The following FBXL18 variants were observed in gnomAD, a reference collection of about 807,000 sequenced individuals.
FBXL18 encodes the protein F-box/LRR-repeat protein 18.
In FBXL18, 36 loss-of-function variants were observed where a neutral mutation model predicts 46.0. The observed-to-expected ratio is 0.78, with a 90% CI of 0.60 to 1.03. FBXL18 has a LOEUF of 1.03. Ranked by LOEUF, FBXL18 falls within the 50% of genes least tolerant of loss-of-function variation. The pLI, the probability that FBXL18 is intolerant of heterozygous loss-of-function variation, is 0.00. For missense variants in FBXL18, 977 were observed against 1,004.1 expected (o/e 0.97, Z 0.36); for synonymous variants, 557 against 465.3 (o/e 1.20, Z -2.54).
At chr7:5,473,526 C>T (rs531959834), downstream of FBXL18, among the ~76,000 whole-genome samples, 67 of 152,212 alleles carry the variant, frequency 4.4e-4, no homozygotes, top group African/African-American at 1.5e-3. Flanking sequence ...CTTTGGGAGG[C>T]CAAGGTGGGT....
intron 4 of FBXL18, among the ~76,000 whole-genome samples, chr7:5,486,388 C>A (rs1267800333): frequency 6.6e-6 from 1 of 151,978 alleles, no homozygotes; most frequent in Non-Finnish European, 1.5e-5. Flanking sequence ...CACTGCACTC[C>A]AGCCTGGGAA....
intron 4 of FBXL18, among the ~76,000 whole-genome samples, chr7:5,482,544 G>C (rs1044481900): frequency 1.4e-5 from 2 of 143,254 alleles, no homozygotes; most frequent in African/African-American, 5.3e-5. Flanking sequence ...GCCACGCTGT[G>C]CACGAAAACT....
At chr7:5,505,753 A>C (rs1584242259) in intron 1 of FBXL18, 123 bp from the exon 2 acceptor site, 1 of 726,414 alleles carries the variant, frequency 1.4e-6, no homozygotes, top group South Asian at 1.8e-5. Context: ...TTTTACTAAA[A>C]CTCTCAACTG....
chr7:5,498,156 C>T (rs1784133875), intron 3 of FBXL18, among the ~76,000 whole-genome samples: 2 of 149,376 alleles, frequency 1.3e-5, no homozygotes, highest in Non-Finnish European at 3.0e-5. Context: ...GGCGCGATCT[C>T]GGCTCACTGC....
intron 4 of FBXL18, among the ~76,000 whole-genome samples, chr7:5,463,704 A>ATATATATATATATATATATATTTTT (rs1562672177): frequency 4.5e-5 from 2 of 43,986 alleles, no homozygotes; most frequent in Non-Finnish European, 7.9e-5. Flanking sequence ...CTATATATAT[A>ATATATATATATATATATATATTTTT]TTTATTTATT....
rs760716662 is a variant in FBXL18 at position 5,500,830 on chromosome 7, T to C, written c.1439A>G (p.Lys480Arg). The change falls in exon 3 of 5, where the codon AAG becomes AGG. Residue 480 changes from lysine to arginine, a missense_variant. Lys to Arg is a conservative substitution (Grantham distance 26). Transcript: ENST00000382368. The part of the protein sequence containing the change: ...QPSSVFWSLL[K>R]NLPFLEHLEL... ...GAGGTGTTCCAGGAAGGGCAGGTTCTTCAGCAGAGACCAGAACACGGAGGA... is the reference window on the plus strand; with the variant it reads ...GAGGTGTTCCAGGAAGGGCAGGTTCCTCAGCAGAGACCAGAACACGGAGGA... 6.2e-7 allele frequency: 1 copy of C among 1,612,084 alleles called. No homozygotes were observed. Among genetic ancestry groups the C allele is most frequent in the Non-Finnish European group, 8.5e-7 (1 of 1,179,400 alleles).
chr7:5,482,232 G>A (rs1783666735), intron 4 of FBXL18, among the ~76,000 whole-genome samples: 1 of 152,198 alleles, frequency 6.6e-6, no homozygotes, highest in African/African-American at 2.4e-5. Context: ...ACCCTGCTCT[G>A]CAGACGTGCT....
intron 4 of FBXL18, among the ~76,000 whole-genome samples, chr7:5,462,147 G>A (rs1181109935): frequency 2.0e-5 from 3 of 151,748 alleles, no homozygotes; most frequent in Admixed American, 6.6e-5. Flanking sequence ...AGAATGGCTT[G>A]AACCCAGGAG....
Position 5,501,003 on chromosome 7 carries a change from G to A in FBXL18, c.1266C>T (p.Val422=). 6.3e-7 allele frequency: 1 copy of A among 1,589,396 alleles called. No homozygotes were observed. Among genetic ancestry groups the A allele is most frequent in the Non-Finnish European group, 8.5e-7 (1 of 1,170,760 alleles). The change falls in exon 3 of 5, where the codon GTC becomes GTT. Residue 422 remains valine (V), a synonymous_variant. Transcript: ENST00000382368. ...GCGGCGCGGAGTCAGCGACAGAGCA[G>A]ACAGGCAGGGAGAGGGAGCGCAGGT... ...LRHLRSLSLP[V]CSVADSAPRA...
intron 1 of FBXL18, among the ~76,000 whole-genome samples, chr7:5,512,407 G>A (rs1784564543): frequency 6.6e-6 from 1 of 151,874 alleles, no homozygotes; most frequent in South Asian, 2.1e-4. Flanking sequence ...CTGAGGTCAG[G>A]AGTTCGAGAA....
intron 3 of FBXL18, 51 bp downstream of exon 3, chr7:5,500,437 C>A (rs951726138): frequency 6.6e-7 from 1 of 1,514,666 alleles, no homozygotes; most frequent in Non-Finnish European, 8.9e-7. Flanking sequence ...CGCCCCAGTT[C>A]CCTCCGCCAG....
intron 4 of FBXL18, among the ~76,000 whole-genome samples, chr7:5,468,409 G>A (rs117944794): frequency 0.025 from 3,859 of 152,216 alleles, 86 homozygotes; most frequent in Non-Finnish European, 0.033. Flanking sequence ...GAGCCACCAC[G>A]CCCAGCCACC....
At chr7:5,502,718 C>G (rs1481696368) in intron 2 of FBXL18, among the ~76,000 whole-genome samples, 1 of 151,754 alleles carries the variant, frequency 6.6e-6, no homozygotes, top group Non-Finnish European at 1.5e-5. Flanking sequence ...GTAAGCCAAG[C>G]TACTGGGGAG....
chr7:5,484,460 A>G (rs184750557), intron 4 of FBXL18, among the ~76,000 whole-genome samples: 2,563 of 130,984 alleles, frequency 0.02, 81 homozygotes, highest in African/African-American at 0.07. Flanking sequence ...ACAGAGGGAG[A>G]CTCTGTCTCA....
rs1384353740 is a variant in FBXL18 at position 5,480,189 on chromosome 7, G to A, written c.*1586C>T. Among the ~76,000 whole-genome samples, 4 of 152,144 alleles carry A rather than the reference G, an allele frequency of 2.6e-5. No homozygotes were observed. Among genetic ancestry groups the A allele is most frequent in the Non-Finnish European group, 4.4e-5 (3 of 68,038 alleles). ...AATGTGAGACACCACCCCACAGGAC[G>A]GGGCATCTGTCACACGGAAACCCAG... On this transcript the variant is annotated 3_prime_UTR_variant, in exon 5 of 5. Transcript: ENST00000382368.
rs983034978 is a variant in FBXL18 at position 5,478,569 on chromosome 7, A to T, written c.*3206T>A. ...GGGGTGAGCTGGGAGCACAGGCAGG[A>T]GGGGGCAGCCAGAGAGGTTGGGGCT... is the stretch of plus-strand genomic sequence containing the variant. On this transcript the variant is annotated 3_prime_UTR_variant, in exon 5 of 5. Transcript: ENST00000382368. The T allele has an allele frequency of 6.6e-6, 1 of 152,396 alleles. No homozygotes were observed. The highest frequency in any genetic ancestry group is 2.4e-5 in the African/African-American group (1 of 41,420). The allele number at this position is 152,396 out of a possible 1,614,324, so 9.4% of individuals were successfully genotyped here.
chr7:5,481,680 C>A lies in FBXL18; in HGVS notation c.*95G>T. 2.2e-6 allele frequency: 3 copies of A among 1,358,658 alleles called. No individual in the cohort carries two copies. Among genetic ancestry groups the A allele is most frequent in the Non-Finnish European group, 2.0e-6 (2 of 976,168 alleles). 84.2% of individuals were successfully genotyped at this position (1,358,658 alleles called of 1,614,324 possible). On this transcript the variant is annotated 3_prime_UTR_variant, in exon 5 of 5. Coordinates refer to ENST00000382368, the MANE Select transcript of FBXL18 (RefSeq NM_024963.6). ...GGGGCGTGGCTGGCCGGGAGAGAGG[C>A]CCCCTTCCTCTTGTGACAAACCAAG...
chr7:5,471,223 C>A (rs1001989322), downstream of FBXL18, among the ~76,000 whole-genome samples: 2 of 152,196 alleles, frequency 1.3e-5, no homozygotes, highest in African/African-American at 2.4e-5. Context: ...CAAAGCCTCT[C>A]GAGCTGGCTC....
rs963288576 is a variant in FBXL18 at position 5,502,163 on chromosome 7, C to A, written c.238-132G>T. The A allele has an allele frequency of 8.2e-6, 5 of 608,346 alleles. 1 individual carries two copies. The Admixed American group carries it at 1.2e-4, about 15-fold the overall frequency. The allele number at this position is 608,346 out of a possible 1,614,324, so 37.7% of individuals were successfully genotyped here. A position where few individuals can be genotyped will look rare whatever the true frequency, so the allele number is the denominator to read the frequency against. ...GAGGGAAGCTCCCCACCTCTCGCTG[C>A]CTACCTGCCCGCACTCTGACCTGGA... On this transcript the variant is annotated intron_variant, in intron 2 of 4. Coordinates refer to ENST00000382368, the MANE Select transcript of FBXL18 (RefSeq NM_024963.6).
Sources: gnomAD v4.1 joint callset for allele counts (sites outside exome capture counted in the v4.1 genomes callset) on GRCh38, gnomAD v4.1.1 for gene constraint, MANE v1.5 for transcripts, NCBI Gene and HGNC (gene_info 2026-07-23, HGNC 2026-07-21) for gene names.